Variants in ASAP2 observed in about 807,000 individuals in gnomAD.
ASAP2 encodes ArfGAP with SH3 domain, ankyrin repeat and PH domain 2, also known as arf-GAP with SH3 domain, ANK repeat and PH domain-containing protein 2.
In ASAP2, 45 loss-of-function variants were observed where a neutral mutation model predicts 131.4. The ratio of observed to expected loss-of-function variants is 0.34; its 90% CI spans 0.27 to 0.44. The LOEUF (loss-of-function observed/expected upper bound fraction) is 0.44. Ranked by LOEUF, ASAP2 falls within the 20% of genes least tolerant of loss-of-function variation. ASAP2 has a pLI of 1.00. For missense variants in ASAP2, 1,011 were observed against 1,297.0 expected (o/e 0.78, Z 3.39); for synonymous variants, 510 against 503.0 (o/e 1.01, Z -0.19).
At chr2:9,233,836 C>T (rs1663345752) in intron 1 of ASAP2, among the ~76,000 whole-genome samples, 1 of 151,280 alleles carries the variant, frequency 6.6e-6, no homozygotes, top group Non-Finnish European at 1.5e-5. Flanking sequence ...GTGGGCTGGG[C>T]ATGGTGGCTC....
At position 9,330,343 on chromosome 2, in the gene ASAP2, A is replaced by G. The variant is rs573654758; in HGVS notation, c.686+2432A>G. 4.2e-3 allele frequency among the ~76,000 whole-genome samples: 636 copies of G among 152,284 alleles called. 7 individuals carry two copies. The highest frequency in any genetic ancestry group is 7.0e-3 in the Non-Finnish European group (479 of 68,024). ...AGAAAGACAAATATCGCATGTTCCC[A>G]CTCCTAAGTGGGTGCTAAGAAAGGC... is the stretch of plus-strand genomic sequence containing the variant. On this transcript the variant is annotated intron_variant, in intron 7 of 27. Transcript: ENST00000281419.
intron 2 of ASAP2, among the ~76,000 whole-genome samples, chr2:9,288,716 G>T (rs1000287764): frequency 6.6e-6 from 1 of 152,040 alleles, no homozygotes; most frequent in Non-Finnish European, 1.5e-5. Context: ...TCACCTCTTG[G>T]CTTTGAACCC....
In ASAP2 at chr2:9,350,840, A is replaced by G. The variant is rs1360079258; in HGVS notation, c.1056A>G (p.Leu352=). The part of the protein sequence containing the change: ...ANRPPAKLNL[L]TCQVKTNPEE... The stretch of plus-strand genomic sequence containing the variant: ...GGCCTCCTGCAAAGCTCAACCTGCT[A>G]ACCTGCCAGGTGAAGACCAACCCTG... The change falls in exon 12 of 28, where the codon CTA becomes CTG. Residue 352 remains leucine (L), a synonymous_variant. Transcript: ENST00000281419. 6.2e-7 allele frequency: 1 copy of G among 1,613,724 alleles called. No homozygotes were observed. The highest frequency in any genetic ancestry group is 1.7e-5 in the Admixed American group (1 of 60,000).
At chr2:9,256,826 G>A (rs1231467642) in intron 1 of ASAP2, among the ~76,000 whole-genome samples, 1 of 152,092 alleles carries the variant, frequency 6.6e-6, no homozygotes, top group Non-Finnish European at 1.5e-5. Flanking sequence ...AGAGGAGTTG[G>A]GTTTTAAAAA....
Position 9,232,280 on chromosome 2 carries a change from G to A in ASAP2, c.126+25050G>A, listed in dbSNP as rs73153632. Among the ~76,000 whole-genome samples the A allele has an allele frequency of 0.024, 3,671 of 152,218 alleles. 160 individuals are homozygous for A. The highest frequency in any genetic ancestry group is 0.084 in the African/African-American group (3,501 of 41,500). Reference sequence around the variant, plus strand: ...GCCCTGCGCCCGATCCTTTTACACAGGTGGTCCCTCTGTTTGTAGAGTCGC... The same window carrying A: ...GCCCTGCGCCCGATCCTTTTACACAAGTGGTCCCTCTGTTTGTAGAGTCGC... On this transcript the variant is annotated intron_variant, in intron 1 of 27. Coordinates refer to ENST00000281419, the MANE Select transcript of ASAP2 (RefSeq NM_003887.3). This position sits in a 1 kb window ranked among gnomAD's most constrained non-coding sequence, Gnocchi z 4.1.
At chr2:9,262,926 G>C (rs532081981) in intron 1 of ASAP2, among the ~76,000 whole-genome samples, 1 of 152,358 alleles carries the variant, frequency 6.6e-6, no homozygotes, top group African/African-American at 2.4e-5. Flanking sequence ...CTGTTTATTT[G>C]ACTAAAGTGA....
chr2:9,388,168 A>C, intron 21 of ASAP2, 126 bp from the exon 22 acceptor site: 2 of 1,219,244 alleles, frequency 1.6e-6, no homozygotes, highest in Non-Finnish European at 2.3e-6. Context: ...GCAACAGTTG[A>C]GAGCTCAAAT....
At position 9,238,873 on chromosome 2, in the gene ASAP2, A is replaced by G. The variant is rs139005993; in HGVS notation, c.126+31643A>G. Among the ~76,000 whole-genome samples, 461 of 152,258 alleles carry G rather than the reference A, an allele frequency of 3.0e-3. 1 individual carries two copies. Among genetic ancestry groups the G allele is most frequent in the Non-Finnish European group, 4.8e-3 (324 of 68,024 alleles). ...TTTTTGTAGATTGCCTGGCATTTCT[A>G]CATAGATGATTTTGTCTTCTGTGAA... On this transcript the variant is annotated intron_variant, in intron 1 of 27. Coordinates refer to ENST00000281419, the MANE Select transcript of ASAP2 (RefSeq NM_003887.3).
At chr2:9,376,447 T>C (rs1316550293) in intron 17 of ASAP2, among the ~76,000 whole-genome samples, 1 of 152,276 alleles carries the variant, frequency 6.6e-6, no homozygotes, top group Non-Finnish European at 1.5e-5. Context: ...AGTGCAGTTA[T>C]TAGCATTCGT....
chr2:9,277,894 G>A (rs1666858921), intron 1 of ASAP2, among the ~76,000 whole-genome samples: 1 of 152,102 alleles, frequency 6.6e-6, no homozygotes, highest in Admixed American at 6.5e-5. Flanking sequence ...TCTGTTTTTA[G>A]CATCCAATAA....
intron 12 of ASAP2, among the ~76,000 whole-genome samples, chr2:9,351,949 CT>C (rs1672361526): frequency 6.6e-6 from 1 of 152,176 alleles, no homozygotes; most frequent in Non-Finnish European, 1.5e-5. Flanking sequence ...ATAAAATGGA[CT>C]TTATCCTGTG....
At chr2:9,223,124 G>A (rs192848717) in intron 1 of ASAP2, among the ~76,000 whole-genome samples, 1 of 152,238 alleles carries the variant, frequency 6.6e-6, no homozygotes, top group East Asian at 1.9e-4. Context: ...TTTAAAGTTG[G>A]CCTCCTTTCC....
intron 1 of ASAP2, among the ~76,000 whole-genome samples, chr2:9,248,453 G>T (rs1299751317): frequency 8.6e-5 from 13 of 151,956 alleles, no homozygotes; most frequent in Non-Finnish European, 1.6e-4. Context: ...GCGTAGAGAG[G>T]ATAGAACACG....
At chr2:9,344,879 C>A (rs1356103604) in intron 11 of ASAP2, 79 bp downstream of exon 11, 7 of 1,269,098 alleles carry the variant, frequency 5.5e-6, no homozygotes, top group Admixed American at 5.3e-5. Context: ...AGTTAGAGGG[C>A]AGGAGTTGTT....
At chr2:9,308,217 G>A (rs978671827) in intron 3 of ASAP2, among the ~76,000 whole-genome samples, 5 of 152,150 alleles carry the variant, frequency 3.3e-5, no homozygotes, top group Non-Finnish European at 7.3e-5. Context: ...TGCTCTGCTC[G>A]GCTTCTGGGG....
chr2:9,211,726 C>T (rs547309536), intron 1 of ASAP2, among the ~76,000 whole-genome samples: 121 of 152,256 alleles, frequency 7.9e-4, no homozygotes, highest in Non-Finnish European at 1.6e-3. Context: ...GGGGCCCTGC[C>T]GTCCATGGGA....
At chr2:9,264,359 C>G (rs187152001) in intron 1 of ASAP2, among the ~76,000 whole-genome samples, 1 of 152,144 alleles carries the variant, frequency 6.6e-6, no homozygotes, top group South Asian at 2.1e-4. Flanking sequence ...CCCGTGCTGG[C>G]GTCACCACTG....
In ASAP2 at chr2:9,219,679, TA is replaced by T. The variant is rs962232181; in HGVS notation, c.126+12458del. On this transcript the variant is annotated intron_variant, in intron 1 of 27. Coordinates refer to ENST00000281419, the MANE Select transcript of ASAP2 (RefSeq NM_003887.3). ...TTATTTCTTATTGTTGTTGCTTTTTTAAAAAAAAATTGAGATAGAATTCACA... is the reference window on the plus strand; with the variant it reads ...TTATTTCTTATTGTTGTTGCTTTTTTAAAAAAAATTGAGATAGAATTCACA... Among the ~76,000 whole-genome samples the T allele has an allele frequency of 6.4e-4, 98 of 151,946 alleles. 2 individuals are homozygous for T. In the East Asian group the frequency reaches 0.017, roughly 26 times the overall value.
intron 1 of ASAP2, among the ~76,000 whole-genome samples, chr2:9,209,991 ATAT>A (rs1337595693): frequency 1.3e-5 from 2 of 152,226 alleles, no homozygotes; most frequent in East Asian, 3.8e-4. Context: ...TGTTGCTGGA[ATAT>A]TATTATAGTA....
Sources: allele counts gnomAD v4.1 joint callset (sites outside exome capture counted in the v4.1 genomes callset), GRCh38; gene constraint gnomAD v4.1.1; non-coding constraint Gnocchi (gnomAD v3.1); transcripts MANE v1.5; gene names NCBI Gene and HGNC (gene_info 2026-07-23, HGNC 2026-07-21).